Variants in ASPH observed in about 807,000 individuals in gnomAD.
ASPH encodes the protein aspartyl/asparaginyl beta-hydroxylase.
A neutral mutation model predicts 118.4 loss-of-function variants in ASPH; 100 were observed. The observed-to-expected ratio is 0.84, with a 90% CI of 0.72 to 1.00. The LOEUF (loss-of-function observed/expected upper bound fraction) is 1.00, where lower values mean the gene tolerates loss of function less well. ASPH is among the 50% of genes least tolerant of loss of function. The pLI is 0.00. For synonymous variants in ASPH, 315 were observed against 325.6 expected (o/e 0.97, Z 0.35); for missense variants, 920 against 919.5 (o/e 1.00, Z -0.01).
intron 14 of ASPH, among the ~76,000 whole-genome samples, chr8:61,588,606 G>C (rs112780389): frequency 3.3e-5 from 5 of 152,272 alleles, no homozygotes; most frequent in African/African-American, 1.2e-4. Context: ...TCCCTGACTC[G>C]AGTCTGTTCC....
intron 1 of ASPH, among the ~76,000 whole-genome samples, chr8:61,699,621 A>C (rs933686625): frequency 4.6e-5 from 7 of 152,250 alleles, no homozygotes; most frequent in Non-Finnish European, 1.0e-4. Context: ...AGTTTCTCTT[A>C]ACTGTGAGTT....
chr8:61,632,615 T>C, intron 13 of ASPH: 1 of 476,334 alleles, frequency 2.1e-6, no homozygotes, highest in Non-Finnish European at 4.1e-6. Context: ...GGACTGCTTT[T>C]CTCATTCATA....
chr8:61,556,625 TTTA>T (rs1827968590), intron 18 of ASPH, among the ~76,000 whole-genome samples: 1 of 152,240 alleles, frequency 6.6e-6, no homozygotes, highest in Admixed American at 6.5e-5. Context: ...CACATCACTG[TTTA>T]TTATTATATG....
chr8:61,684,491 C>G (rs1829602531), intron 1 of ASPH: 1 of 228,386 alleles, frequency 4.4e-6, no homozygotes, highest in Non-Finnish European at 8.5e-6. Context: ...TTACCTCTTT[C>G]CAAAGGCAGA....
rs961153510 is a variant in ASPH at position 61,714,323 on chromosome 8, CGCTGCT to C, written c.43_48del (p.Ser15_Ser16del). The stretch of plus-strand genomic sequence containing the variant: ...GCACTCGTGCTACCGCTGCCGGAGC[CGCTGCT>C]GCTGCTGTTGCCGCTGCTCTTGGCA... On this transcript the variant is annotated inframe_deletion, in exon 1 of 25. Transcript: ENST00000379454. 2.0e-6 allele frequency: 3 copies of C among 1,519,546 alleles called. No homozygotes were observed. In the Admixed American group the frequency reaches 6.3e-5, roughly 32 times the overall value. The allele number at this position is 1,519,546 out of a possible 1,614,324, so 94.1% of individuals were successfully genotyped here.
intron 21 of ASPH, among the ~76,000 whole-genome samples, chr8:61,544,969 A>T (rs1823255307): frequency 1.3e-5 from 2 of 152,212 alleles, no homozygotes; most frequent in Non-Finnish European, 1.5e-5. Context: ...GGAAAACAGA[A>T]AGAGGTAAAG....
At chr8:61,555,565 T>C (rs1317751974) in intron 19 of ASPH, among the ~76,000 whole-genome samples, 1 of 152,184 alleles carries the variant, frequency 6.6e-6, no homozygotes, top group African/African-American at 2.4e-5. Flanking sequence ...AGTGCTGGGA[T>C]TACAGGCATG....
intron 3 of ASPH, chr8:61,676,232 T>C (rs1038115087): frequency 1.9e-6 from 3 of 1,596,474 alleles, no homozygotes; most frequent in Non-Finnish European, 2.5e-6. Context: ...GAGGAAACCA[T>C]AAAACCAATC....
intron 3 of ASPH, chr8:61,659,361 A>G (rs931633223): frequency 1.3e-5 from 2 of 152,234 alleles, no homozygotes; most frequent in African/African-American, 4.8e-5. Flanking sequence ...AAATAACCCA[A>G]CAGCTTTAAG....
intron 3 of ASPH, chr8:61,665,384 CT>C: frequency 1.2e-6 from 2 of 1,613,580 alleles, no homozygotes; most frequent in Non-Finnish European, 1.7e-6. Flanking sequence ...TGATTTTTTC[CT>C]ATTTTCCTTG....
chr8:61,581,518 T>C (rs1285705169), intron 15 of ASPH, among the ~76,000 whole-genome samples: 2 of 152,220 alleles, frequency 1.3e-5, no homozygotes, highest in African/African-American at 4.8e-5. Context: ...ATGATGTCAG[T>C]GGGGAAGTAG....
intron 16 of ASPH, among the ~76,000 whole-genome samples, chr8:61,571,898 T>C (rs77918048): frequency 0.026 from 3,922 of 152,284 alleles, 113 homozygotes; most frequent in African/African-American, 0.07. Flanking sequence ...AAACACACTC[T>C]CTCTTACTTA....
At chr8:61,567,430 C>T in intron 16 of ASPH, 112 bp from the exon 17 acceptor site, 7 of 1,191,862 alleles carry the variant, frequency 5.9e-6, no homozygotes, top group Non-Finnish European at 8.1e-6. Context: ...AAATGTAAGA[C>T]ACGTTAGCCT....
intron 20 of ASPH, among the ~76,000 whole-genome samples, chr8:61,551,469 G>T (rs1157744461): frequency 6.6e-6 from 1 of 152,164 alleles, no homozygotes; most frequent in Non-Finnish European, 1.5e-5. Context: ...CTGTAAGAAC[G>T]AATCCTTCTG....
In ASPH at chr8:61,644,636, G is replaced by GA. The variant is rs753416869; in HGVS notation, c.620-5dup. 27,783 of 1,141,380 alleles carry GA rather than the reference G, an allele frequency of 0.024. No homozygotes were observed. Among genetic ancestry groups the GA allele is most frequent in the South Asian group, 0.034 (2,036 of 60,474 alleles). The allele number at this position is 1,141,380 out of a possible 1,614,324, so 70.7% of individuals were successfully genotyped here. ...ACGTGGTAACTATGCTCGGTTTCTGGAAAAAAAAAAATTAGATTGATATTT... is the reference window on the plus strand; with the variant it reads ...ACGTGGTAACTATGCTCGGTTTCTGGAAAAAAAAAAAATTAGATTGATATTT... On this transcript the variant is annotated splice_region_variant and splice_polypyrimidine_tract_variant and intron_variant, in intron 6 of 24. Transcript: ENST00000379454.
intron 14 of ASPH, among the ~76,000 whole-genome samples, chr8:61,599,359 T>C (rs1213634793): frequency 6.6e-6 from 1 of 151,546 alleles, no homozygotes; most frequent in African/African-American, 2.4e-5. Flanking sequence ...TTAGGAGATA[T>C]ACCTAGTGTA....
At chr8:61,708,778 C>A (rs1213852879) in intron 1 of ASPH, among the ~76,000 whole-genome samples, 2 of 152,140 alleles carry the variant, frequency 1.3e-5, no homozygotes, top group African/African-American at 4.8e-5. Context: ...CGTGTGGGCA[C>A]ACATGTAGGA....
chr8:61,689,999 ACCC>A, intron 1 of ASPH: 1 of 444,404 alleles, frequency 2.3e-6, no homozygotes, highest in Non-Finnish European at 3.2e-6. Context: ...GCTAACTCCA[ACCC>A]CTAAAAAATC....
intron 3 of ASPH, chr8:61,676,182 C>T: frequency 6.3e-7 from 1 of 1,599,212 alleles, no homozygotes; most frequent in Non-Finnish European, 8.5e-7. Flanking sequence ...TCTTCTTCTT[C>T]TAGCATTTCA....
Sources: gnomAD v4.1 joint callset for allele counts (sites outside exome capture counted in the v4.1 genomes callset) on GRCh38, gnomAD v4.1.1 for gene constraint, MANE v1.5 for transcripts, NCBI Gene and HGNC (gene_info 2026-07-23, HGNC 2026-07-21) for gene names.